Variants in TBC1D5 observed in about 807,000 individuals in gnomAD.
The protein encoded by TBC1D5 is TBC1 domain family member 5.
In TBC1D5, 75 loss-of-function variants were observed where a neutral mutation model predicts 100.3. That is an observed-to-expected ratio of 0.75 (90% CI 0.62 to 0.91). TBC1D5 has a LOEUF of 0.91. Ranked by LOEUF, TBC1D5 falls within the 40% of genes least tolerant of loss-of-function variation. The pLI is 0.00. For missense variants in TBC1D5, 910 were observed against 942.4 expected, an observed-to-expected ratio of 0.97 and a Z score of 0.45; for synonymous variants, 323 against 325.6, an observed-to-expected ratio of 0.99 and a Z score of 0.09.
intron 3 of TBC1D5, among the ~76,000 whole-genome samples, chr3:17,434,609 C>T (rs1396618282): frequency 6.6e-6 from 1 of 152,150 alleles, no homozygotes; most frequent in Non-Finnish European, 1.5e-5. Flanking sequence ...TTTATAATGT[C>T]CTGAGGTTGC....
intron 3 of TBC1D5, among the ~76,000 whole-genome samples, chr3:17,504,775 T>C (rs905410213): frequency 6.6e-6 from 1 of 152,212 alleles, no homozygotes; most frequent in Non-Finnish European, 1.5e-5. Context: ...TTTAGCCAGA[T>C]ATCTAGATAT....
At chr3:17,709,593 CT>C (rs943599788) in intron 1 of TBC1D5, among the ~76,000 whole-genome samples, 5 of 152,094 alleles carry the variant, frequency 3.3e-5, no homozygotes, top group African/African-American at 1.2e-4. Context: ...TTCAAAGAAC[CT>C]TGTCTAACGG....
At chr3:17,705,966 C>G in intron 1 of TBC1D5, 1 of 1,410,536 alleles carries the variant, frequency 7.1e-7, no homozygotes, top group Non-Finnish European at 9.5e-7. Flanking sequence ...GGCGGCGCTC[C>G]TCAGCATTTC....
chr3:17,325,467 G>A (rs577423487), intron 13 of TBC1D5, among the ~76,000 whole-genome samples: 64 of 151,986 alleles, frequency 4.2e-4, no homozygotes, highest in African/African-American at 1.5e-3. Context: ...GGATTTACAG[G>A]CATGCGCCTC....
intron 17 of TBC1D5, among the ~76,000 whole-genome samples, chr3:17,224,157 C>T (rs1419373268): frequency 6.6e-6 from 1 of 152,078 alleles, no homozygotes; most frequent in Non-Finnish European, 1.5e-5. Context: ...AGTGTTCCTG[C>T]TTATATTACA....
chr3:17,533,606 T>A (rs546869098), intron 2 of TBC1D5, among the ~76,000 whole-genome samples: 1 of 152,184 alleles, frequency 6.6e-6, no homozygotes, highest in African/African-American at 2.4e-5. Context: ...TAAGATTGGA[T>A]TGGATAAATT....
Position 17,406,531 on chromosome 3 carries a change from A to G in TBC1D5, c.168-5T>C, listed in dbSNP as rs2093774568. 6.2e-7 allele frequency: 1 copy of G among 1,608,836 alleles called. No individual in the cohort carries two copies. Among genetic ancestry groups the G allele is most frequent in the Non-Finnish European group, 8.5e-7 (1 of 1,177,250 alleles). On this transcript the variant is annotated splice_polypyrimidine_tract_variant and splice_region_variant and intron_variant, in intron 4 of 21. Coordinates refer to ENST00000253692, the Ensembl canonical transcript of TBC1D5. ...AATAGTTCTTCCCATTCTTTCCTATATGAAAGAAACCAAAGCATGAGAATC... is the reference window on the plus strand; with the variant it reads ...AATAGTTCTTCCCATTCTTTCCTATGTGAAAGAAACCAAAGCATGAGAATC...
intron 3 of TBC1D5, among the ~76,000 whole-genome samples, chr3:17,468,032 T>A (rs2095329293): frequency 6.6e-6 from 1 of 152,174 alleles, no homozygotes; most frequent in Admixed American, 6.5e-5. Context: ...AAGTATACAT[T>A]TTGAATAAGC....
chr3:17,643,235 T>C (rs2064698186), intron 1 of TBC1D5, among the ~76,000 whole-genome samples: 1 of 152,124 alleles, frequency 6.6e-6, no homozygotes, highest in African/African-American at 2.4e-5. Context: ...ATGATGAAAC[T>C]GAGCTTATAT....
intron 9 of TBC1D5, among the ~76,000 whole-genome samples, chr3:17,378,093 T>C (rs1049549935): frequency 6.6e-6 from 1 of 151,744 alleles, no homozygotes; most frequent in African/African-American, 2.4e-5. Flanking sequence ...ATTGTATTAA[T>C]AGAAAAGTAT....
At chr3:17,363,209 T>A (rs1425985956) in intron 13 of TBC1D5, among the ~76,000 whole-genome samples, 1 of 152,198 alleles carries the variant, frequency 6.6e-6, no homozygotes, top group African/African-American at 2.4e-5. Flanking sequence ...ATTTCTCATT[T>A]CATGTCATAA....
chr3:17,450,734 G>A (rs777589276), intron 3 of TBC1D5, among the ~76,000 whole-genome samples: 5 of 152,194 alleles, frequency 3.3e-5, no homozygotes, highest in Non-Finnish European at 5.9e-5. Context: ...ATGCGCCTAT[G>A]TGAAAAGACC....
intron 3 of TBC1D5, among the ~76,000 whole-genome samples, chr3:17,461,505 C>A (rs143687207): frequency 2.1e-4 from 32 of 152,276 alleles, no homozygotes; most frequent in African/African-American, 7.7e-4. Flanking sequence ...CATAACCTAA[C>A]CTACAGACTT....
chr3:17,291,592 G>A (rs1185879788), intron 15 of TBC1D5, among the ~76,000 whole-genome samples: 9 of 152,184 alleles, frequency 5.9e-5, no homozygotes, highest in Non-Finnish European at 1.3e-4. Flanking sequence ...CAGTTTGGCT[G>A]TAAGGAGAGG....
At chr3:17,605,677 A>C (rs2061293180) in intron 2 of TBC1D5, among the ~76,000 whole-genome samples, 1 of 152,228 alleles carries the variant, frequency 6.6e-6, no homozygotes, top group African/African-American at 2.4e-5. Context: ...ATTAAAGATC[A>C]GGAAAGTATG....
chr3:17,335,248 A>G (rs1317029135), intron 13 of TBC1D5, among the ~76,000 whole-genome samples: 1 of 152,154 alleles, frequency 6.6e-6, no homozygotes, highest in Non-Finnish European at 1.5e-5. Context: ...GTCAAAAAAT[A>G]AAAGGTAAGA....
intron 13 of TBC1D5, among the ~76,000 whole-genome samples, chr3:17,319,841 G>C (rs1270589469): frequency 1.3e-5 from 2 of 152,082 alleles, no homozygotes; most frequent in Non-Finnish European, 2.9e-5. Flanking sequence ...CTGCACTCCA[G>C]CCTGGGCGAC....
At chr3:17,659,737 T>C (rs557914003) in intron 1 of TBC1D5, among the ~76,000 whole-genome samples, 1 of 152,276 alleles carries the variant, frequency 6.6e-6, no homozygotes, top group East Asian at 1.9e-4. Context: ...TTTGCTCCAA[T>C]ATTACCTGAG....
intron 13 of TBC1D5, among the ~76,000 whole-genome samples, chr3:17,365,052 TTTAAA>T (rs1156802485): frequency 3.9e-5 from 6 of 152,216 alleles, no homozygotes; most frequent in African/African-American, 1.4e-4. Flanking sequence ...TCCTTCCCTC[TTTAAA>T]TTATTCACTA....
Sources: gnomAD v4.1 joint callset for allele counts (sites outside exome capture counted in the v4.1 genomes callset) on GRCh38, gnomAD v4.1.1 for gene constraint, MANE v1.5 for transcripts, NCBI Gene and HGNC (gene_info 2026-07-23, HGNC 2026-07-21) for gene names.